The following MEGF8 variants were observed in gnomAD, a reference collection of about 807,000 sequenced individuals.
The protein encoded by MEGF8 is multiple epidermal growth factor-like domains protein 8.
In MEGF8, 156 loss-of-function variants were observed where a neutral mutation model predicts 302.9. That is an observed-to-expected ratio of 0.52 (90% CI 0.45 to 0.59). MEGF8 has a LOEUF of 0.59. Ranked by LOEUF, MEGF8 falls within the 20% of genes least tolerant of loss-of-function variation. The probability of loss-of-function intolerance (pLI) is 0.00; values close to 1 mark genes in which losing one functional copy is unlikely to be tolerated. For missense variants in MEGF8, 3,345 were observed against 3,964.5 expected, an observed-to-expected ratio of 0.84 and a Z score of 4.20; for synonymous variants, 1,621 against 1,660.5, an observed-to-expected ratio of 0.98 and a Z score of 0.58.
Position 42,370,235 on chromosome 19 carries a change from TCGGAGGCGGGA to T in MEGF8, c.6883_6893del (p.Gly2295LeufsTer12). ...CTCCCGCTGTTTGTGGGTTCAGCTG[TCGGAGGCGGGA>T]CCTGCCGGCCCTGCCACGCCTTTTG... On this transcript the variant is annotated frameshift_variant, in exon 39 of 42. Transcript: ENST00000251268. LOFTEE classifies it high-confidence loss of function. 1 of 1,613,698 alleles carries T rather than the reference TCGGAGGCGGGA, an allele frequency of 6.2e-7. No individual in the cohort carries two copies.
chr19:42,372,563 C>T (rs2039707355), intron 41 of MEGF8, among the ~76,000 whole-genome samples: 1 of 152,212 alleles, frequency 6.6e-6, no homozygotes, highest in African/African-American at 2.4e-5. Flanking sequence ...TAGCTGCAAA[C>T]ATAATAGCTG....
chr19:42,371,884 A>G (rs1221627768), intron 41 of MEGF8, among the ~76,000 whole-genome samples: 1 of 152,080 alleles, frequency 6.6e-6, no homozygotes, highest in African/African-American at 2.4e-5. Context: ...GGGGTTCAAG[A>G]CCAGCCTGGG....
At chr19:42,367,365 T>C (rs991738403) in intron 35 of MEGF8, among the ~76,000 whole-genome samples, 1 of 151,348 alleles carries the variant, frequency 6.6e-6, no homozygotes, top group Non-Finnish European at 1.5e-5. Context: ...CTCTGCTCAC[T>C]GCAAGCTCCA....
chr19:42,351,621 C>T lies in MEGF8; in HGVS notation c.2988-27C>T, dbSNP rs764181328. 8.2e-6 allele frequency: 13 copies of T among 1,594,680 alleles called. No individual in the cohort carries two copies. The highest frequency in any genetic ancestry group is 1.1e-5 in the South Asian group (1 of 88,124). On this transcript the variant is annotated intron_variant, in intron 17 of 41. Coordinates refer to ENST00000251268, the MANE Select transcript of MEGF8 (RefSeq NM_001271938.2). This position sits in a 1 kb window ranked among gnomAD's most constrained non-coding sequence, Gnocchi z 5.6. ...TCCCCACCGGCAAGGGGCTGGGGCT[C>T]TGACCCCCACCCCTGCCATCCTGCA...
rs200310970 is a variant in MEGF8 at position 42,362,476 on chromosome 19, G to A, written c.5937G>A (p.Arg1979=). 238 of 1,613,970 alleles carry A rather than the reference G, an allele frequency of 1.5e-4. No homozygotes were observed. In the Middle Eastern group the frequency reaches 2.3e-3, roughly 16 times the overall value. ...NGSCTSENDC[R]INQREVFWAG... The stretch of plus-strand genomic sequence containing the variant: ...CCTGCACCTCTGAGAATGACTGTCG[G>A]ATCAACCAGCGAGAGGTCTTCTGGG... Residue 1979 remains arginine, a synonymous_variant, in exon 34 of 42, where the codon CGG becomes CGA. Transcript: ENST00000251268.
Position 42,336,852 on chromosome 19 carries a change from G to A in MEGF8, c.1290G>A (p.Arg430=). The change falls in exon 7 of 42, where the codon CGG becomes CGA. Residue 430 remains arginine (R), a synonymous_variant. Transcript: ENST00000251268. The surrounding 1 kb of genome is among the most constrained non-coding windows in gnomAD (Gnocchi z 4.8). ...CCACTGAGCTTTTCCACGTGGATCG[G>A]CATGTGTGGACGACGCTGAAGGGGC... The part of the protein sequence containing the change: ...VNSTELFHVD[R]HVWTTLKGRD... 1 of 1,610,552 alleles carries A rather than the reference G, an allele frequency of 6.2e-7. No individual in the cohort carries two copies. The highest frequency in any genetic ancestry group is 1.7e-5 in the Admixed American group (1 of 58,902).
chr19:42,374,229 G>C (rs1308878664), intron 41 of MEGF8, among the ~76,000 whole-genome samples: 1 of 152,118 alleles, frequency 6.6e-6, no homozygotes, highest in Non-Finnish European at 1.5e-5. Context: ...CCAGCACTTT[G>C]AGAGGCTGAG....
rs552972983 is a variant in MEGF8 at position 42,376,048 on chromosome 19, A to G, written c.7811A>G (p.His2604Arg). The change falls in exon 42 of 42, where the codon CAC (histidine) becomes CGC (arginine). Residue 2604 changes from histidine (H) to arginine (R), a missense_variant. Physicochemically the swap from His to Arg is conservative, Grantham distance 29 (BLOSUM62 0). Coordinates refer to ENST00000251268, the MANE Select transcript of MEGF8 (RefSeq NM_001271938.2). The surrounding 1 kb of genome is among the most constrained non-coding windows in gnomAD (Gnocchi z 8.2). ...CTGGTCATCACCTACCCACACGAGC[A>G]CCATGCCCTCAAGTCGAGCCGCTTC... is the stretch of plus-strand genomic sequence containing the variant. ...DRLVITYPHEHHALKSSRFYL... is the reference protein window; with the variant it reads ...DRLVITYPHERHALKSSRFYL... 9.3e-6 allele frequency: 15 copies of G among 1,604,322 alleles called. No individual in the cohort carries two copies. The South Asian group carries it at 1.4e-4, about 15-fold the overall frequency.
rs200526872 is a variant in MEGF8 at position 42,362,120 on chromosome 19, A to G, written c.5751A>G (p.Pro1917=). 5.5e-5 allele frequency: 89 copies of G among 1,612,484 alleles called. 1 individual carries two copies. The East Asian group carries it at 1.7e-3, about 31-fold the overall frequency. Residue 1917 remains proline (P), a synonymous_variant, in exon 33 of 42, where the codon CCA becomes CCG. Transcript: ENST00000251268. ...GCTGCGGGGGCTCCCCCTGCTCCCC[A>G]ATGCCTCGCTCCCCGGAGGAATGTC... The part of the protein sequence containing the change: ...RLGCGGSPCS[P]MPRSPEECRR...
intron 1 of MEGF8, among the ~76,000 whole-genome samples, chr19:42,332,137 C>T (rs1003480898): frequency 2.6e-5 from 4 of 152,208 alleles, no homozygotes; most frequent in Admixed American, 6.5e-5. Flanking sequence ...GGATTACAGG[C>T]GTGAGCCACC....
chr19:42,333,229 C>T (rs2039078154), intron 1 of MEGF8, among the ~76,000 whole-genome samples: 1 of 152,224 alleles, frequency 6.6e-6, no homozygotes, highest in Non-Finnish European at 1.5e-5. Flanking sequence ...ATGTCTGAAA[C>T]TCAGGCATGG....
In MEGF8 at chr19:42,371,443, C is replaced by T; in HGVS notation, c.7230C>T (p.Gly2410=). 6.2e-7 allele frequency: 1 copy of T among 1,613,880 alleles called. No homozygotes were observed. The highest frequency in any genetic ancestry group is 8.5e-7 in the Non-Finnish European group (1 of 1,179,880). Residue 2410 remains glycine (G), a synonymous_variant, in exon 41 of 42, where the codon GGC becomes GGT. Coordinates refer to ENST00000251268, the MANE Select transcript of MEGF8 (RefSeq NM_001271938.2). Reference sequence around the variant, plus strand: ...ACACAGAGACGGGCACATGCCAGGGCAGCTCCCCCAGTGACCGTCGAGACT... The same window carrying T: ...ACACAGAGACGGGCACATGCCAGGGTAGCTCCCCCAGTGACCGTCGAGACT... ...QNNTETGTCQ[G]SSPSDRRDCY...
chr19:42,347,059 C>G (rs117675810), intron 12 of MEGF8, among the ~76,000 whole-genome samples: 2 of 151,456 alleles, frequency 1.3e-5, no homozygotes, highest in Non-Finnish European at 2.9e-5. Flanking sequence ...TCATTTACCC[C>G]ACTCCCTACC....
chr19:42,353,891 C>G lies in MEGF8; in HGVS notation c.3878C>G (p.Ala1293Gly). 1 of 1,595,572 alleles carries G rather than the reference C, an allele frequency of 6.3e-7. No homozygotes were observed. The change falls in exon 22 of 42, where the codon GCA becomes GGA. Residue 1293 changes from alanine to glycine, a missense_variant. Ala to Gly is a moderately conservative substitution (Grantham distance 60). Transcript: ENST00000251268. The surrounding 1 kb of genome is among the most constrained non-coding windows in gnomAD (Gnocchi z 6.1). Reference protein sequence around the residue: ...GGLLPPGGGAARAGPGLSYCV... With the variant: ...GGLLPPGGGAGRAGPGLSYCV... ...CTGCTGCCTCCAGGTGGCGGGGCTG[C>G]AAGAGCCGGGCCTGGCCTGTCCTAC...
chr19:42,327,621 T>C (rs2039002162), intron 1 of MEGF8, among the ~76,000 whole-genome samples: 1 of 152,194 alleles, frequency 6.6e-6, no homozygotes, highest in Non-Finnish European at 1.5e-5. Context: ...TATGCATGCC[T>C]CAGAACCCTG....
At position 42,353,049 on chromosome 19, in the gene MEGF8, C is replaced by G. The variant is rs977777127; in HGVS notation, c.3472C>G (p.Arg1158Gly). 1 of 1,552,364 alleles carries G rather than the reference C, an allele frequency of 6.4e-7. No individual in the cohort carries two copies. The highest frequency in any genetic ancestry group is 8.7e-7 in the Non-Finnish European group (1 of 1,148,280). The change falls in exon 20 of 42, where the codon CGC (arginine) becomes GGC (glycine). Residue 1158 changes from arginine to glycine, a missense_variant. Transcript: ENST00000251268. This position sits in a 1 kb window ranked among gnomAD's most constrained non-coding sequence, Gnocchi z 6.1. ...ACCCGCCCCGGGTCCGCCAGCCCCCCGCTGCTCCCGGGACTGTGGCTGCAG... is the reference window on the plus strand; with the variant it reads ...ACCCGCCCCGGGTCCGCCAGCCCCCGGCTGCTCCCGGGACTGTGGCTGCAG... Reference protein sequence around the residue: ...PTPAPGPPAPRCSRDCGCSFH... With the variant: ...PTPAPGPPAPGCSRDCGCSFH...
Position 42,337,091 on chromosome 19 carries a change from T to A in MEGF8, c.1398T>A (p.Asn466Lys). Residue 466 changes from asparagine to lysine, a missense_variant, in exon 8 of 42, where the codon AAT (asparagine) becomes AAA (lysine). Transcript: ENST00000251268. ...CCTTTCCTCCATTCCCAGGGGGCAATGTGCACACCCATTACCAGGAGGAAA... is the reference window on the plus strand; with the variant it reads ...CCTTTCCTCCATTCCCAGGGGGCAAAGTGCACACCCATTACCAGGAGGAAA... ...LGNYMVVYGG[N>K]VHTHYQEEKC... 6.2e-7 allele frequency: 1 copy of A among 1,613,942 alleles called. No homozygotes were observed. The highest frequency in any genetic ancestry group is 1.6e-4 in the Middle Eastern group (1 of 6,062).
Position 42,349,676 on chromosome 19 carries a change from C to T in MEGF8, c.2476C>T (p.Arg826Trp), listed in dbSNP as rs749384463. ...CAGCGAGCTAACTCTGCTGTGGGATCGGACTGGTGTGCCAGGAGGCAGCGT... is the reference window on the plus strand; with the variant it reads ...CAGCGAGCTAACTCTGCTGTGGGATTGGACTGGTGTGCCAGGAGGCAGCGT... Reference protein sequence around the residue: ...GHSELTLLWDRTGVPGGSEIS... With the variant: ...GHSELTLLWDWTGVPGGSEIS... Residue 826 changes from arginine (R) to tryptophan (W), a missense_variant, in exon 14 of 42, where the codon CGG becomes TGG. Arg to Trp is a moderately radical substitution (Grantham distance 101, BLOSUM62 -3). Coordinates refer to ENST00000251268, the MANE Select transcript of MEGF8 (RefSeq NM_001271938.2). The T allele has an allele frequency of 7.4e-6, 12 of 1,611,974 alleles. No individual in the cohort carries two copies. Among genetic ancestry groups the T allele is most frequent in the Admixed American group, 1.7e-5 (1 of 59,996 alleles).
intron 35 of MEGF8, among the ~76,000 whole-genome samples, chr19:42,363,678 T>C (rs1408992355): frequency 6.6e-6 from 1 of 152,204 alleles, no homozygotes; most frequent in Non-Finnish European, 1.5e-5. Context: ...GCTTCCCTCC[T>C]CTCTCTCTTT....
Sources: allele counts gnomAD v4.1 joint callset (sites outside exome capture counted in the v4.1 genomes callset), GRCh38; gene constraint gnomAD v4.1.1; non-coding constraint Gnocchi (gnomAD v3.1); transcripts MANE v1.5; gene names NCBI Gene and HGNC (gene_info 2026-07-23, HGNC 2026-07-21).